Variants in SLC16A12 observed in about 807,000 individuals in gnomAD.
SLC16A12 encodes the protein solute carrier family 16 member 12.
A neutral mutation model predicts 42.4 loss-of-function variants in SLC16A12; 17 were observed. That is an observed-to-expected ratio of 0.40 (90% CI 0.27 to 0.60). SLC16A12 has a LOEUF of 0.60. SLC16A12 is among the 20% of genes least tolerant of loss of function. The probability of loss-of-function intolerance (pLI) is 0.42; values close to 1 mark genes in which losing one functional copy is unlikely to be tolerated. For synonymous variants in SLC16A12, 224 were observed against 229.4 expected, an observed-to-expected ratio of 0.98 and a Z score of 0.21; for missense variants, 544 against 623.0, an observed-to-expected ratio of 0.87 and a Z score of 1.35.
chr10:89,444,219 C>G (rs1381655221), intron 3 of SLC16A12, among the ~76,000 whole-genome samples: 2 of 152,138 alleles, frequency 1.3e-5, no homozygotes, highest in Non-Finnish European at 2.9e-5. Flanking sequence ...AATTATATAT[C>G]ACCAGCAATG....
chr10:89,465,193 G>T (rs142127473), intron 2 of SLC16A12, among the ~76,000 whole-genome samples: 115 of 152,304 alleles, frequency 7.6e-4, no homozygotes, highest in African/African-American at 2.6e-3. Flanking sequence ...GATACCTTTA[G>T]ATAATGAAGC....
chr10:89,514,800 G>A (rs113981832), intron 2 of SLC16A12, among the ~76,000 whole-genome samples: 13 of 152,280 alleles, frequency 8.5e-5, no homozygotes, highest in Admixed American at 2.6e-4. Context: ...GAAAAGGAGC[G>A]GGCCGGGTGC....
At position 89,507,153 on chromosome 10, in the gene SLC16A12, T is replaced by G. The variant is rs550232093; in HGVS notation, c.-47+27348A>C. On this transcript the variant is annotated intron_variant, in intron 2 of 7. Coordinates refer to ENST00000371790, the MANE Select transcript of SLC16A12 (RefSeq NM_213606.4). ...ATGGAACCAAGTTGGAAATCACTCT[T>G]CAGGATATTATCCAGAACTTCCCCA... is the stretch of plus-strand genomic sequence containing the variant. Among the ~76,000 whole-genome samples, 3 of 152,252 alleles carry G rather than the reference T, an allele frequency of 2.0e-5. No individual in the cohort carries two copies. In the East Asian group the frequency reaches 5.8e-4, roughly 29 times the overall value.
At chr10:89,469,194 G>A (rs1413233366) in intron 2 of SLC16A12, among the ~76,000 whole-genome samples, 1 of 152,168 alleles carries the variant, frequency 6.6e-6, no homozygotes, top group African/African-American at 2.4e-5. Context: ...ATCAACGACT[G>A]ATGAATTTTA....
intron 5 of SLC16A12, 50 bp from the exon 6 acceptor site, chr10:89,439,233 T>A (rs536249073): frequency 6.5e-7 from 1 of 1,531,068 alleles, no homozygotes; most frequent in Admixed American, 1.7e-5. Context: ...AAACAGCCAA[T>A]GATATCTCAG....
chr10:89,459,179 G>C (rs889014438), intron 3 of SLC16A12, among the ~76,000 whole-genome samples: 1 of 152,160 alleles, frequency 6.6e-6, no homozygotes, highest in South Asian at 2.1e-4. Context: ...TGATTCTTAA[G>C]AGGGCCTGTG....
intron 7 of SLC16A12, among the ~76,000 whole-genome samples, chr10:89,434,500 A>T (rs1267410698): frequency 6.6e-6 from 1 of 152,158 alleles, no homozygotes; most frequent in Non-Finnish European, 1.5e-5. Context: ...AAACATAAAG[A>T]TCTGTATCAT....
chr10:89,462,082 C>T (rs1189217979), intron 3 of SLC16A12, among the ~76,000 whole-genome samples: 1 of 152,158 alleles, frequency 6.6e-6, no homozygotes, highest in South Asian at 2.1e-4. Context: ...GAAAAGATCA[C>T]TATCTGGGAC....
intron 2 of SLC16A12, among the ~76,000 whole-genome samples, chr10:89,492,218 C>A (rs2133808136): frequency 6.6e-6 from 1 of 152,180 alleles, no homozygotes; most frequent in East Asian, 1.9e-4. Flanking sequence ...TTGATCACAA[C>A]CAATAGATAC....
Position 89,494,741 on chromosome 10 carries a change from C to T in SLC16A12, c.-46-32117G>A, listed in dbSNP as rs2138039. ...AGACGGTAAGAAGGAAGCCAAACTG[C>T]AGAATCCCAGAAAGACTCAGGAATG... On this transcript the variant is annotated intron_variant, in intron 2 of 7. Transcript: ENST00000371790. Among the ~76,000 whole-genome samples the T allele has an allele frequency of 4.6e-5, 7 of 152,240 alleles. No individual in the cohort carries two copies. The South Asian group carries it at 1.2e-3, about 27-fold the overall frequency.
intron 2 of SLC16A12, among the ~76,000 whole-genome samples, chr10:89,541,423 C>T (rs1380828585): frequency 1.3e-5 from 2 of 152,092 alleles, no homozygotes; most frequent in African/African-American, 2.4e-5. Context: ...ACTGAGACCC[C>T]GTCTCTACAA....
At chr10:89,506,005 AG>A (rs1843055123) in intron 2 of SLC16A12, among the ~76,000 whole-genome samples, 1 of 152,218 alleles carries the variant, frequency 6.6e-6, no homozygotes, top group African/African-American at 2.4e-5. Flanking sequence ...CAGCTCAGCA[AG>A]GCCAACTGTC....
chr10:89,442,484 T>C (rs192334745), intron 4 of SLC16A12, among the ~76,000 whole-genome samples: 238 of 152,264 alleles, frequency 1.6e-3, no homozygotes, highest in South Asian at 1.2e-3. Context: ...CTCCAAAAGA[T>C]AGAAATGAGG....
rs932998273 is a variant in SLC16A12, at chr10:89,484,988, T to C, written c.-46-22364A>G. ...GACCGAATCAAATTCTGAGATTCTA[T>C]GTCTTTGGAGTAGGCAACTGAGTCA... On this transcript the variant is annotated intron_variant, in intron 2 of 7. Transcript: ENST00000371790. 3.9e-5 allele frequency among the ~76,000 whole-genome samples: 6 copies of C among 152,182 alleles called. No homozygotes were observed. In the East Asian group the frequency reaches 7.7e-4, roughly 20 times the overall value.
At chr10:89,469,042 T>A (rs996392860) in intron 2 of SLC16A12, among the ~76,000 whole-genome samples, 4 of 152,094 alleles carry the variant, frequency 2.6e-5, no homozygotes, top group Non-Finnish European at 5.9e-5. Flanking sequence ...GGCATGAGAA[T>A]CACTTGAACC....
intron 6 of SLC16A12, 90 bp from the exon 7 acceptor site, chr10:89,436,409 A>G (rs1564823721): frequency 1.3e-5 from 19 of 1,471,526 alleles, no homozygotes; most frequent in Non-Finnish European, 1.8e-5. Context: ...TAAGCATTGC[A>G]GTTATTTACA....
At chr10:89,552,017 C>A (rs1408820980) in intron 2 of SLC16A12, among the ~76,000 whole-genome samples, 1 of 152,162 alleles carries the variant, frequency 6.6e-6, no homozygotes, top group Non-Finnish European at 1.5e-5. Flanking sequence ...CTCACTGCAA[C>A]CTCCACTTCC....
intron 2 of SLC16A12, among the ~76,000 whole-genome samples, chr10:89,523,504 G>A (rs2133858189): frequency 6.6e-6 from 1 of 152,294 alleles, no homozygotes; most frequent in South Asian, 2.1e-4. Context: ...TCTCTGTCAT[G>A]ACTAAAACTT....
At chr10:89,442,242 T>G (rs1410566534) in intron 4 of SLC16A12, among the ~76,000 whole-genome samples, 1 of 152,250 alleles carries the variant, frequency 6.6e-6, no homozygotes, top group Non-Finnish European at 1.5e-5. Flanking sequence ...CACATGTGAT[T>G]CTGCAGACTC....
Sources: gnomAD v4.1 joint callset for allele counts (sites outside exome capture counted in the v4.1 genomes callset) on GRCh38, gnomAD v4.1.1 for gene constraint, MANE v1.5 for transcripts, NCBI Gene and HGNC (gene_info 2026-07-23, HGNC 2026-07-21) for gene names.